CHST9: variants seen among roughly 807,000 people sequenced by gnomAD.
The protein encoded by CHST9 is GalNAc-4-sulfotransferase 2.
CHST9 carries 41 observed loss-of-function variants against 44.4 expected under a neutral mutation model. That is an observed-to-expected ratio of 0.92 (90% CI 0.72 to 1.20). The LOEUF (loss-of-function observed/expected upper bound fraction) is 1.20, where lower values mean the gene tolerates loss of function less well. Among genes scored for constraint, CHST9 ranks in the 50% most tolerant of loss-of-function variants. CHST9 has a pLI of 0.00. For missense variants in CHST9, 504 were observed against 516.5 expected, an observed-to-expected ratio of 0.98 and a Z score of 0.23; for synonymous variants, 171 against 178.4, an observed-to-expected ratio of 0.96 and a Z score of 0.33.
intron 1 of CHST9, among the ~76,000 whole-genome samples, chr18:27,179,670 G>A (rs917466580): frequency 5.3e-5 from 8 of 152,004 alleles, no homozygotes; most frequent in African/African-American, 1.7e-4. Flanking sequence ...TTAGCTAAAT[G>A]TTATGCATAT....
At position 26,909,777 on chromosome 18, in the gene CHST9, G is replaced by A. The variant is rs1254232502; in HGVS notation, c.*6482C>T. ...AGAAGTGGGGGGAGGAGTAGGAGGA[G>A]TAGGAGGAGGAGGAGGAAGAGGAGG... On this transcript the variant is annotated 3_prime_UTR_variant, in exon 6 of 6. Transcript: ENST00000618847. 1 of 152,504 alleles carries A rather than the reference G, an allele frequency of 6.6e-6. No individual in the cohort carries two copies. The highest frequency in any genetic ancestry group is 2.4e-5 in the African/African-American group (1 of 41,410). 9.4% of individuals were successfully genotyped at this position (152,504 alleles called of 1,614,324 possible). A position where few individuals can be genotyped will look rare whatever the true frequency, so the allele number is the denominator to read the frequency against.
chr18:26,928,604 G>A (rs918371595), intron 5 of CHST9, among the ~76,000 whole-genome samples: 4 of 152,160 alleles, frequency 2.6e-5, no homozygotes, highest in Non-Finnish European at 5.9e-5. Flanking sequence ...AGGAGAGTAG[G>A]GAACTGAGAA....
chr18:27,084,682 T>G (rs1435364414), intron 2 of CHST9, among the ~76,000 whole-genome samples: 1 of 152,062 alleles, frequency 6.6e-6, no homozygotes, highest in East Asian at 1.9e-4. Context: ...ATTTCTTTTC[T>G]TCTGCTAGCT....
At chr18:26,927,474 G>C (rs2055790638) in intron 5 of CHST9, among the ~76,000 whole-genome samples, 1 of 152,130 alleles carries the variant, frequency 6.6e-6, no homozygotes, top group Non-Finnish European at 1.5e-5. Flanking sequence ...CTGAGAGGGG[G>C]ATGTGGCAGG....
chr18:27,138,389 C>G (rs2058534814), intron 2 of CHST9, among the ~76,000 whole-genome samples: 1 of 152,194 alleles, frequency 6.6e-6, no homozygotes, highest in Non-Finnish European at 1.5e-5. Flanking sequence ...TGACCTCTCT[C>G]TATGCACTCA....
At chr18:27,106,328 T>G (rs1391764699) in intron 2 of CHST9, among the ~76,000 whole-genome samples, 1 of 152,206 alleles carries the variant, frequency 6.6e-6, no homozygotes, top group African/African-American at 2.4e-5. Context: ...CATTATTGAC[T>G]AAGGATCATT....
chr18:27,101,601 C>T (rs2143752189), intron 2 of CHST9, among the ~76,000 whole-genome samples: 1 of 151,190 alleles, frequency 6.6e-6, no homozygotes, highest in South Asian at 2.1e-4. Flanking sequence ...AAGAGCGAGA[C>T]TCTGTCTCAA....
At chr18:27,109,010 A>C (rs1178857051) in intron 2 of CHST9, among the ~76,000 whole-genome samples, 1 of 152,210 alleles carries the variant, frequency 6.6e-6, no homozygotes, top group East Asian at 1.9e-4. Context: ...TCACACATTG[A>C]TGGACACACC....
At chr18:27,161,266 G>C (rs548165549) in intron 1 of CHST9, among the ~76,000 whole-genome samples, 2 of 152,054 alleles carry the variant, frequency 1.3e-5, no homozygotes, top group African/African-American at 2.4e-5. Context: ...AAATTTCCCT[G>C]TACACACTGC....
chr18:27,030,614 C>T (rs1057434567), intron 3 of CHST9, among the ~76,000 whole-genome samples: 1 of 152,340 alleles, frequency 6.6e-6, no homozygotes, highest in South Asian at 2.1e-4. Context: ...TGCCGGCTGC[C>T]GGGTGTGCTT....
intron 4 of CHST9, chr18:26,952,494 C>A (rs377167654): frequency 6.6e-6 from 3 of 455,560 alleles, no homozygotes; most frequent in Non-Finnish European, 8.5e-6. Flanking sequence ...TTGGTATAAA[C>A]CCTGGAGGAC....
chr18:27,113,113 C>G (rs530759494), intron 2 of CHST9, among the ~76,000 whole-genome samples: 19 of 151,670 alleles, frequency 1.3e-4, no homozygotes, highest in African/African-American at 4.6e-4. Context: ...GGCATGAACC[C>G]GGGAGGCGGA....
chr18:27,161,482 G>C (rs574778158), intron 1 of CHST9, among the ~76,000 whole-genome samples: 21 of 152,268 alleles, frequency 1.4e-4, no homozygotes, highest in Middle Eastern at 6.8e-3. Context: ...GGGACAGTTT[G>C]TTATAATTTC....
intron 2 of CHST9, among the ~76,000 whole-genome samples, chr18:27,054,955 T>C (rs1439482920): frequency 6.6e-6 from 1 of 152,158 alleles, no homozygotes; most frequent in Non-Finnish European, 1.5e-5. Flanking sequence ...TAAAATATGT[T>C]CTCTCTTCTA....
chr18:26,932,757 C>G (rs28412857), intron 5 of CHST9, among the ~76,000 whole-genome samples: 20,317 of 152,160 alleles, frequency 0.13, 1,892 homozygotes, highest in African/African-American at 0.26. Context: ...CTCCCCAGAT[C>G]CATCAGTAGC....
At chr18:27,071,237 C>G (rs1234579036) in intron 2 of CHST9, among the ~76,000 whole-genome samples, 4 of 152,160 alleles carry the variant, frequency 2.6e-5, no homozygotes, top group African/African-American at 9.7e-5. Context: ...CTGAAATAGT[C>G]TTCCTCTTTA....
intron 3 of CHST9, among the ~76,000 whole-genome samples, chr18:27,037,125 C>T (rs968877052): frequency 6.6e-6 from 1 of 152,116 alleles, no homozygotes. Context: ...ATTCTGAAGT[C>T]AAATTGTTTT....
At chr18:26,918,492 T>C (rs941065242) in intron 5 of CHST9, among the ~76,000 whole-genome samples, 10 of 149,554 alleles carry the variant, frequency 6.7e-5, no homozygotes, top group Admixed American at 1.3e-4. Context: ...ATATACATGA[T>C]ACACATGATT....
At chr18:27,072,697 C>A (rs912351923) in intron 2 of CHST9, among the ~76,000 whole-genome samples, 2 of 152,142 alleles carry the variant, frequency 1.3e-5, no homozygotes, top group African/African-American at 4.8e-5. Context: ...CTAACAGATA[C>A]AAAAGGCTTT....
Sources: allele counts gnomAD v4.1 joint callset (sites outside exome capture counted in the v4.1 genomes callset), GRCh38; gene constraint gnomAD v4.1.1; transcripts MANE v1.5; gene names NCBI Gene and HGNC (gene_info 2026-07-23, HGNC 2026-07-21).